The following FRYL variants were observed in gnomAD, a reference collection of about 807,000 sequenced individuals.
The protein encoded by FRYL is FRY like transcription coactivator.
In FRYL, 150 loss-of-function variants were observed where a neutral mutation model predicts 351.2. The observed-to-expected ratio is 0.43, with a 90% confidence interval of 0.37 to 0.49. The LOEUF is 0.49. Ranked by LOEUF, FRYL falls within the 20% of genes least tolerant of loss-of-function variation. The pLI is 0.00. For synonymous variants in FRYL, 1,153 were observed against 1,257.1 expected (o/e 0.92, Z 1.75); for missense variants, 3,036 against 3,619.3 (o/e 0.84, Z 4.13).
At chr4:48,595,850 A>T (rs1403109042) in intron 14 of FRYL, 47 bp downstream of exon 14, 3 of 1,325,282 alleles carry the variant, frequency 2.3e-6, no homozygotes, top group Non-Finnish European at 3.2e-6. Context: ...GTGTTTTTTT[A>T]AAAACAAGAA....
chr4:48,685,544 A>T (rs1424683851), intron 2 of FRYL, among the ~76,000 whole-genome samples: 3 of 152,164 alleles, frequency 2.0e-5, no homozygotes, highest in African/African-American at 7.2e-5. Flanking sequence ...GCTAGGCCTG[A>T]TATTTATCAC....
intron 1 of FRYL, among the ~76,000 whole-genome samples, chr4:48,727,243 T>G (rs1462735437): frequency 2.6e-5 from 4 of 152,166 alleles, no homozygotes; most frequent in Admixed American, 2.6e-4. Flanking sequence ...ACGTCTGGTT[T>G]CTGATCTGAC....
chr4:48,643,003 ATGT>A (rs1755633828), intron 3 of FRYL, among the ~76,000 whole-genome samples: 1 of 152,172 alleles, frequency 6.6e-6, no homozygotes, highest in East Asian at 1.9e-4. Flanking sequence ...AGCAACAAGA[ATGT>A]TGTTTTCATT....
At chr4:48,539,887 G>C in intron 47 of FRYL, 84 bp downstream of exon 47, 2 of 998,700 alleles carry the variant, frequency 2.0e-6, no homozygotes, top group Non-Finnish European at 3.0e-6. Context: ...AATAAAAGGA[G>C]TTTTAAGAGA....
chr4:48,712,157 G>A (rs935915149), intron 1 of FRYL, among the ~76,000 whole-genome samples: 2 of 152,290 alleles, frequency 1.3e-5, no homozygotes, highest in African/African-American at 2.4e-5. Flanking sequence ...AAAAAGCAGG[G>A]CACCTCTCCT....
chr4:48,623,213 A>C (rs1339030751), intron 4 of FRYL, 34 bp from the exon 5 acceptor site: 2 of 1,139,450 alleles, frequency 1.8e-6, no homozygotes, highest in East Asian at 5.3e-5. Flanking sequence ...TAAAAATAAA[A>C]ATAAAGCACA....
intron 3 of FRYL, among the ~76,000 whole-genome samples, chr4:48,640,564 A>T (rs1425379516): frequency 1.3e-5 from 2 of 152,200 alleles, no homozygotes; most frequent in Non-Finnish European, 2.9e-5. Context: ...GTAGTATAGT[A>T]TATGGTGGAT....
At chr4:48,756,931 G>A (rs1773853930) in intron 1 of FRYL, among the ~76,000 whole-genome samples, 1 of 152,166 alleles carries the variant, frequency 6.6e-6, no homozygotes, top group African/African-American at 2.4e-5. Context: ...CTGGGCTACG[G>A]AGTGAGACTC....
At position 48,710,592 on chromosome 4, in the gene FRYL, T is replaced by C. The variant is rs887539888; in HGVS notation, c.-277A>G. On this transcript the variant is annotated 5_prime_UTR_variant, in exon 2 of 64. Transcript: ENST00000358350. ...GTTTGGAAAGGATCCATCTAGAAGCTTTTTTGATCTGGAGCTTGTACTTTA... is the reference window on the plus strand; with the variant it reads ...GTTTGGAAAGGATCCATCTAGAAGCCTTTTTGATCTGGAGCTTGTACTTTA... 4 of 398,492 alleles carry C rather than the reference T, an allele frequency of 1.0e-5. No individual in the cohort carries two copies. The highest frequency in any genetic ancestry group is 4.4e-5 in the Admixed American group (1 of 22,708). The allele number at this position is 398,492 out of a possible 1,614,324, so 24.7% of individuals were successfully genotyped here. A position where few individuals can be genotyped will look rare whatever the true frequency, so the allele number is the denominator to read the frequency against.
chr4:48,565,412 A>C, intron 29 of FRYL, 119 bp downstream of exon 29: 1 of 658,516 alleles, frequency 1.5e-6, no homozygotes, highest in South Asian at 3.9e-5. Flanking sequence ...TAAGTTTTGA[A>C]TATGGCAGAA....
chr4:48,721,245 T>A (rs558493751), intron 1 of FRYL, among the ~76,000 whole-genome samples: 1 of 152,170 alleles, frequency 6.6e-6, no homozygotes, highest in Admixed American at 6.5e-5. Context: ...CATTGTATCC[T>A]CTAACCAGCC....
chr4:48,736,835 C>A (rs1206606540), intron 1 of FRYL, among the ~76,000 whole-genome samples: 1 of 105,466 alleles, frequency 9.5e-6, no homozygotes, highest in Admixed American at 1.5e-4. Flanking sequence ...GGGCGACAGA[C>A]TGAGACTCTG....
chr4:48,656,857 C>T (rs769374966), intron 3 of FRYL, among the ~76,000 whole-genome samples: 1 of 151,986 alleles, frequency 6.6e-6, no homozygotes, highest in Non-Finnish European at 1.5e-5. Context: ...ACACAGAAAG[C>T]AGGTGACTAT....
In FRYL at chr4:48,620,727, G is replaced by T. The variant is rs371083439; in HGVS notation, c.226C>A (p.Arg76Ser). ...CGTCTGTACCAGTCAAACAAGGTGCGAAGTAAGGAAGGGAGACAGTGCTCT... is the reference window on the plus strand; with the variant it reads ...CGTCTGTACCAGTCAAACAAGGTGCTAAGTAAGGAAGGGAGACAGTGCTCT... ...VAEHCLPSLL[R>S]TLFDWYRRQN... Residue 76 changes from arginine (R) to serine (S), a missense_variant, in exon 6 of 64, where the codon CGC (arginine) becomes AGC (serine). Arg to Ser is a moderately radical substitution (Grantham distance 110). Coordinates refer to ENST00000358350, the MANE Select transcript of FRYL (RefSeq NM_015030.2). 2.2e-5 allele frequency: 35 copies of T among 1,613,856 alleles called. No individual in the cohort carries two copies. Among genetic ancestry groups the T allele is most frequent in the Non-Finnish European group, 3.0e-5 (35 of 1,179,824 alleles).
Position 48,498,083 on chromosome 4 carries a change from TTTTC to T in FRYL, c.*1335_*1338del, listed in dbSNP as rs1553909990. On this transcript the variant is annotated 3_prime_UTR_variant, in exon 64 of 64. Transcript: ENST00000358350. ...GTGGGACTACATTCTTTTTTTTTTT[TTTTC>T]TTTCTTTTCTTACAAAATGCGATTT... 1.3e-5 allele frequency: 2 copies of T among 152,046 alleles called. No homozygotes were observed. Among genetic ancestry groups the T allele is most frequent in the African/African-American group, 2.4e-5 (1 of 41,420 alleles). 9.4% of individuals were successfully genotyped at this position (152,046 alleles called of 1,614,324 possible). A position where few individuals can be genotyped will look rare whatever the true frequency, so the allele number is the denominator to read the frequency against.
At position 48,740,744 on chromosome 4, in the gene FRYL, T is replaced by C. The variant is rs147631611; in HGVS notation, c.-383-30046A>G. ...ACCACTACCCACTTAGCAGAATGGA[T>C]AAAATCCAGAGCAATGACAAACCAA... On this transcript the variant is annotated intron_variant, in intron 1 of 63. Coordinates refer to ENST00000358350, the MANE Select transcript of FRYL (RefSeq NM_015030.2). 1.1e-3 allele frequency among the ~76,000 whole-genome samples: 167 copies of C among 152,194 alleles called. 1 individual carries two copies. The South Asian group carries it at 0.017, about 16-fold the overall frequency.
chr4:48,775,609 C>A (rs1775935514), intron 1 of FRYL, among the ~76,000 whole-genome samples: 1 of 152,162 alleles, frequency 6.6e-6, no homozygotes, highest in Non-Finnish European at 1.5e-5. Flanking sequence ...AGCAACTTAA[C>A]GTTTGAGTGA....
At chr4:48,621,096 G>A (rs1458381687) in intron 5 of FRYL, among the ~76,000 whole-genome samples, 5 of 152,146 alleles carry the variant, frequency 3.3e-5, no homozygotes, top group African/African-American at 4.8e-5. Context: ...ATCTTTGGGG[G>A]AAGCATTACA....
At chr4:48,551,762 T>C (rs1011063199) in intron 36 of FRYL, among the ~76,000 whole-genome samples, 184 bp from the exon 37 acceptor site, 1 of 152,218 alleles carries the variant, frequency 6.6e-6, no homozygotes, top group African/African-American at 2.4e-5. Flanking sequence ...TTTTGGATGC[T>C]AGAATACAAA....
Sources: gnomAD v4.1 joint callset for allele counts (sites outside exome capture counted in the v4.1 genomes callset) on GRCh38, gnomAD v4.1.1 for gene constraint, MANE v1.5 for transcripts, NCBI Gene and HGNC (gene_info 2026-07-23, HGNC 2026-07-21) for gene names.